The following AGPAT4 variants were observed in gnomAD, a reference collection of about 807,000 sequenced individuals.
AGPAT4 encodes the protein 1-acylglycerol-3-phosphate O-acyltransferase 4.
A neutral mutation model predicts 48.0 loss-of-function variants in AGPAT4; 15 were observed. That is an observed-to-expected ratio of 0.31 (90% CI 0.21 to 0.48). The LOEUF (loss-of-function observed/expected upper bound fraction) is 0.48, where lower values mean the gene tolerates loss of function less well. Among genes scored for constraint, AGPAT4 ranks in the 20% least tolerant of loss-of-function variants. The pLI is 0.99. For synonymous variants in AGPAT4, 178 were observed against 198.7 expected (o/e 0.90, Z 0.88); for missense variants, 314 against 482.5 (o/e 0.65, Z 3.27).
intron 2 of AGPAT4, among the ~76,000 whole-genome samples, chr6:161,185,283 CTTTTTT>C (rs35820706): frequency 1.3e-4 from 14 of 109,284 alleles, no homozygotes; most frequent in African/African-American, 4.7e-4. Flanking sequence ...TTTAAGATGT[CTTTTTT>C]TTTTTTTTTT....
intron 1 of AGPAT4, among the ~76,000 whole-genome samples, chr6:161,268,505 T>A (rs905789689): frequency 2.0e-5 from 3 of 152,142 alleles, no homozygotes; most frequent in African/African-American, 7.2e-5. Flanking sequence ...TCCCCTCTCC[T>A]TACAGGAATT....
At chr6:161,176,234 G>A (rs1386931734) in intron 2 of AGPAT4, among the ~76,000 whole-genome samples, 1 of 152,034 alleles carries the variant, frequency 6.6e-6, no homozygotes, top group Admixed American at 6.6e-5. Context: ...TTGACAGTGG[G>A]GTGTTAAAGT....
chr6:161,237,830 A>G (rs1782337615), intron 1 of AGPAT4, among the ~76,000 whole-genome samples: 1 of 151,982 alleles, frequency 6.6e-6, no homozygotes, highest in Admixed American at 6.6e-5. Context: ...GCCCCCGTGA[A>G]GGTTAGGTGT....
At chr6:161,183,737 G>A (rs1217585429) in intron 2 of AGPAT4, among the ~76,000 whole-genome samples, 1 of 130,156 alleles carries the variant, frequency 7.7e-6, no homozygotes, top group Non-Finnish European at 1.6e-5. Context: ...AAGAGGGGAG[G>A]GGAGGGGAGG....
rs1782810424 is a variant in AGPAT4, at chr6:161,251,740, A to G, written c.-89-19438T>C. Among the ~76,000 whole-genome samples, 1 of 152,166 alleles carries G rather than the reference A, an allele frequency of 6.6e-6. No homozygotes were observed. The highest frequency in any genetic ancestry group is 1.5e-5 in the Non-Finnish European group (1 of 68,026). On this transcript the variant is annotated intron_variant, in intron 1 of 8. Coordinates refer to ENST00000320285, the MANE Select transcript of AGPAT4 (RefSeq NM_020133.3). This position sits in a 1 kb window ranked among gnomAD's most constrained non-coding sequence, Gnocchi z 4.6. The stretch of plus-strand genomic sequence containing the variant: ...CCCGGGCCTTACGTTTCCCATTCAA[A>G]CATGGGAGACGTGCTCTTGATACAC...
At chr6:161,253,286 G>C (rs903810103) in intron 1 of AGPAT4, among the ~76,000 whole-genome samples, 3 of 143,054 alleles carry the variant, frequency 2.1e-5, no homozygotes, top group African/African-American at 7.8e-5. Flanking sequence ...ACGGAGTCTT[G>C]CGCTGTTGCC....
rs1199226827 is a variant in AGPAT4, at chr6:161,238,099, G to C, written c.-89-5797C>G. On this transcript the variant is annotated intron_variant, in intron 1 of 8. Transcript: ENST00000320285. This position sits in a 1 kb window ranked among gnomAD's most constrained non-coding sequence, Gnocchi z 5.2. ...GTAATGGGGGGGTTGGGGGGCGGGA[G>C]GCAGAATGCAGCATAGTTGTTGGAG... is the stretch of plus-strand genomic sequence containing the variant. Among the ~76,000 whole-genome samples, 7 of 151,860 alleles carry C rather than the reference G, an allele frequency of 4.6e-5. No homozygotes were observed. Among genetic ancestry groups the C allele is most frequent in the African/African-American group, 1.2e-4 (5 of 41,412 alleles).
chr6:161,149,244 T>C lies in AGPAT4; in HGVS notation c.710A>G (p.Asn237Ser). The part of the protein sequence containing the change: ...DCTLNFRNNE[N>S]PTLLGVLNGK... Reference sequence around the variant, plus strand: ...GTTTAGGACTCCCAGCAGTGTTGGATTTTCATTATTTCTGAAATTGAGTGT... The same window carrying C: ...GTTTAGGACTCCCAGCAGTGTTGGACTTTCATTATTTCTGAAATTGAGTGT... Residue 237 changes from asparagine (N) to serine (S), a missense_variant, in exon 6 of 9, where the codon AAT becomes AGT. Coordinates refer to ENST00000320285, the MANE Select transcript of AGPAT4 (RefSeq NM_020133.3). This position sits in a 1 kb window ranked among gnomAD's most constrained non-coding sequence, Gnocchi z 6.5. 1.2e-6 allele frequency: 2 copies of C among 1,613,498 alleles called. No homozygotes were observed. The highest frequency in any genetic ancestry group is 1.7e-6 in the Non-Finnish European group (2 of 1,179,960).
rs537621885 is a variant in AGPAT4 at position 161,198,914 on chromosome 6, A to G, written c.179-32497T>C. ...TATTTTAAACTCCAGAAACTCCTCA[A>G]ATATATGTCAGAATTACTGCTGATA... On this transcript the variant is annotated intron_variant, in intron 2 of 8. Transcript: ENST00000320285. The surrounding 1 kb of genome is among the most constrained non-coding windows in gnomAD (Gnocchi z 4.3). Among the ~76,000 whole-genome samples the G allele has an allele frequency of 6.6e-6, 1 of 152,298 alleles. No individual in the cohort carries two copies. Among genetic ancestry groups the G allele is most frequent in the South Asian group, 2.1e-4 (1 of 4,824 alleles).
intron 2 of AGPAT4, among the ~76,000 whole-genome samples, chr6:161,191,807 A>C (rs1303887485): frequency 4.6e-5 from 7 of 152,228 alleles, no homozygotes; most frequent in Admixed American, 3.3e-4. Context: ...AGTTACACAT[A>C]GCATGGACAA....
chr6:161,232,172 G>C lies in AGPAT4; in HGVS notation c.42C>G (p.His14Gln), dbSNP rs1337792167. ...AGLLKSQFLC[H>Q]LVFCYVFIAS... ...CAATAAAGACGTAGCAGAAGACCAG[G>C]TGGCACAGGAACTGAGACTTCAGCA... is the stretch of plus-strand genomic sequence containing the variant. The change falls in exon 2 of 9, where the codon CAC becomes CAG. Residue 14 changes from histidine to glutamine, a missense_variant. By Grantham distance (24) the His-to-Gln change is conservative (BLOSUM62 0). Coordinates refer to ENST00000320285, the MANE Select transcript of AGPAT4 (RefSeq NM_020133.3). The surrounding 1 kb of genome is among the most constrained non-coding windows in gnomAD (Gnocchi z 6.8). The C allele has an allele frequency of 2.5e-6, 4 of 1,614,130 alleles. No individual in the cohort carries two copies. The East Asian group carries it at 8.9e-5, about 36-fold the overall frequency.
chr6:161,248,734 G>T (rs886476345), intron 1 of AGPAT4, among the ~76,000 whole-genome samples: 1 of 152,168 alleles, frequency 6.6e-6, no homozygotes, highest in Admixed American at 6.5e-5. Context: ...TCGTTAAAGT[G>T]TGCATACTGC....
chr6:161,265,178 ACCG>A (rs1339775048), intron 1 of AGPAT4, among the ~76,000 whole-genome samples: 1 of 122,174 alleles, frequency 8.2e-6, no homozygotes, highest in Non-Finnish European at 1.7e-5. Context: ...ATTAGTACCC[ACCG>A]CTGGACTGGG....
Position 161,189,821 on chromosome 6 carries a change from G to C in AGPAT4, c.179-23404C>G, listed in dbSNP as rs774126919. Among the ~76,000 whole-genome samples, 18 of 152,286 alleles carry C rather than the reference G, an allele frequency of 1.2e-4. No homozygotes were observed. Among genetic ancestry groups the C allele is most frequent in the Middle Eastern group, 6.8e-3 (2 of 294 alleles). On this transcript the variant is annotated intron_variant, in intron 2 of 8. Coordinates refer to ENST00000320285, the MANE Select transcript of AGPAT4 (RefSeq NM_020133.3). This position sits in a 1 kb window ranked among gnomAD's most constrained non-coding sequence, Gnocchi z 5.3. Reference sequence around the variant, plus strand: ...TCTGAGTATTTGTTTTCATTTTCAAGATAGCACTGAGTTTTGTGCAGGCCC... The same window carrying C: ...TCTGAGTATTTGTTTTCATTTTCAACATAGCACTGAGTTTTGTGCAGGCCC...
Position 161,159,865 on chromosome 6 carries a change from G to A in AGPAT4, c.349-5555C>T, listed in dbSNP as rs566706656. Among the ~76,000 whole-genome samples the A allele has an allele frequency of 3.3e-5, 5 of 151,826 alleles. No individual in the cohort carries two copies. In the South Asian group the frequency reaches 6.2e-4, roughly 19 times the overall value. ...TCACCATGTTGGCTAGTCTGGTCTCGAACTCCTGACCTTCAGGTCTCCCAA... is the reference window on the plus strand; with the variant it reads ...TCACCATGTTGGCTAGTCTGGTCTCAAACTCCTGACCTTCAGGTCTCCCAA... On this transcript the variant is annotated intron_variant, in intron 3 of 8. Coordinates refer to ENST00000320285, the MANE Select transcript of AGPAT4 (RefSeq NM_020133.3). This position sits in a 1 kb window ranked among gnomAD's most constrained non-coding sequence, Gnocchi z 4.1.
rs374293477 is a variant in AGPAT4, at chr6:161,225,749, C to T, written c.178+6287G>A. On this transcript the variant is annotated intron_variant, in intron 2 of 8. Transcript: ENST00000320285. This position sits in a 1 kb window ranked among gnomAD's most constrained non-coding sequence, Gnocchi z 5.0. ...GGACACACTTCAGAAGTAAAAGGTACCCGCAGGTGACAGAGGAAAAAGAGG... is the reference window on the plus strand; with the variant it reads ...GGACACACTTCAGAAGTAAAAGGTATCCGCAGGTGACAGAGGAAAAAGAGG... Among the ~76,000 whole-genome samples the T allele has an allele frequency of 4.6e-5, 7 of 152,100 alleles. No homozygotes were observed. The highest frequency in any genetic ancestry group is 1.7e-4 in the African/African-American group (7 of 41,410).
chr6:161,272,725 C>CACACACAA lies in AGPAT4; in HGVS notation c.-90+1205_-90+1212dup, dbSNP rs1351632452. 6.6e-6 allele frequency among the ~76,000 whole-genome samples: 1 copy of CACACACAA among 151,800 alleles called. No individual in the cohort carries two copies. The highest frequency in any genetic ancestry group is 1.5e-5 in the Non-Finnish European group (1 of 67,992). Reference sequence around the variant, plus strand: ...CCCTAAACACACACACACACACACACACACACAAACACACACATTCTCCCT... The same window carrying CACACACAA: ...CCCTAAACACACACACACACACACACACACACAAACACACAAACACACACATTCTCCCT... On this transcript the variant is annotated intron_variant, in intron 1 of 8. Coordinates refer to ENST00000320285, the MANE Select transcript of AGPAT4 (RefSeq NM_020133.3). The surrounding 1 kb of genome is among the most constrained non-coding windows in gnomAD (Gnocchi z 4.2).
chr6:161,187,466 C>T (rs891447436), intron 2 of AGPAT4, among the ~76,000 whole-genome samples: 1 of 152,100 alleles, frequency 6.6e-6, no homozygotes, highest in Non-Finnish European at 1.5e-5. Context: ...ATCCAAATCA[C>T]AGCAAAAATC....
At chr6:161,136,748 C>G in intron 8 of AGPAT4, 114 bp from the exon 9 acceptor site, 1 of 840,354 alleles carries the variant, frequency 1.2e-6, no homozygotes, top group South Asian at 1.5e-5. Flanking sequence ...CAGCTCAGAG[C>G]TGGCTGGCGG....
Sources: gnomAD v4.1 joint callset for allele counts (sites outside exome capture counted in the v4.1 genomes callset) on GRCh38, gnomAD v4.1.1 for gene constraint, Gnocchi (gnomAD v3.1) non-coding constraint, MANE v1.5 for transcripts, NCBI Gene and HGNC (gene_info 2026-07-23, HGNC 2026-07-21) for gene names.